Variants in NRG1 observed in about 807,000 individuals in gnomAD.
The protein encoded by NRG1 is pro-neuregulin-1, membrane-bound isoform.
Under a neutral mutation model 63.8 loss-of-function variants are expected in NRG1, and 18 were observed. The ratio of observed to expected loss-of-function variants is 0.28; its 90% CI spans 0.19 to 0.42. The LOEUF (loss-of-function observed/expected upper bound fraction) is 0.42, where lower values mean the gene tolerates loss of function less well. NRG1 is among the 10% of genes least tolerant of loss of function. The probability of loss-of-function intolerance (pLI) is 1.00; values close to 1 mark genes in which losing one functional copy is unlikely to be tolerated. For synonymous variants in NRG1, 302 were observed against 301.3 expected (o/e 1.00, Z -0.02); for missense variants, 762 against 814.7 (o/e 0.94, Z 0.79).
chr8:31,805,294 G>A (rs1037368631), intron 1 of NRG1, among the ~76,000 whole-genome samples: 3 of 151,598 alleles, frequency 2.0e-5, no homozygotes, highest in Middle Eastern at 3.2e-3. Flanking sequence ...AATATTAATA[G>A]GATATTATAT....
At chr8:32,111,207 C>T (rs1014783100) in intron 1 of NRG1, among the ~76,000 whole-genome samples, 1 of 152,118 alleles carries the variant, frequency 6.6e-6, no homozygotes, top group Non-Finnish European at 1.5e-5. Context: ...ACCTCTGCCT[C>T]CCGGGTTCAA....
At chr8:32,670,689 G>A (rs887968105) in intron 5 of NRG1, among the ~76,000 whole-genome samples, 2 of 152,178 alleles carry the variant, frequency 1.3e-5, no homozygotes, top group Non-Finnish European at 2.9e-5. Flanking sequence ...TTTGACATAT[G>A]TTACCCCCTA....
At chr8:32,735,544 C>A (rs1589494324) in intron 6 of NRG1, among the ~76,000 whole-genome samples, 1 of 152,218 alleles carries the variant, frequency 6.6e-6, no homozygotes, top group Admixed American at 6.5e-5. Flanking sequence ...CCCCTCAGAA[C>A]CCCTAAGCTG....
chr8:32,644,059 G>C (rs1227503748), intron 5 of NRG1, among the ~76,000 whole-genome samples: 1 of 152,042 alleles, frequency 6.6e-6, no homozygotes. Context: ...TACCTAAGCT[G>C]CCTGGGCCAA....
chr8:32,502,439 T>A (rs1827969156), intron 1 of NRG1, among the ~76,000 whole-genome samples: 1 of 47,580 alleles, frequency 2.1e-5, no homozygotes. Context: ...GGACACACAT[T>A]TAACCCATAT....
At chr8:31,972,343 C>G (rs1807430760) in intron 1 of NRG1, among the ~76,000 whole-genome samples, 1 of 152,080 alleles carries the variant, frequency 6.6e-6, no homozygotes, top group Non-Finnish European at 1.5e-5. Flanking sequence ...CATCAAACAG[C>G]CTAGCTTTAC....
chr8:32,593,294 G>T (rs960292789), intron 1 of NRG1, among the ~76,000 whole-genome samples: 5 of 152,126 alleles, frequency 3.3e-5, no homozygotes, highest in African/African-American at 1.2e-4. Context: ...AAATTAATGA[G>T]GCAATGTATT....
chr8:31,918,071 G>A (rs1408204191), intron 1 of NRG1, among the ~76,000 whole-genome samples: 1 of 152,170 alleles, frequency 6.6e-6, no homozygotes, highest in Non-Finnish European at 1.5e-5. Context: ...AGACTTTGCT[G>A]AAGTTGCTTA....
intron 1 of NRG1, among the ~76,000 whole-genome samples, chr8:31,932,965 T>A (rs1341410803): frequency 6.6e-6 from 1 of 152,218 alleles, no homozygotes; most frequent in Non-Finnish European, 1.5e-5. Context: ...TATAAGCTCA[T>A]ATTTTGAACT....
intron 1 of NRG1, among the ~76,000 whole-genome samples, chr8:32,303,042 C>T (rs188509336): frequency 0.015 from 2,213 of 151,726 alleles, 30 homozygotes; most frequent in Non-Finnish European, 0.024. Context: ...ATTAGCCGGG[C>T]GTGGTGGCTG....
At chr8:32,263,512 T>C (rs767115244) in intron 1 of NRG1, among the ~76,000 whole-genome samples, 2 of 152,158 alleles carry the variant, frequency 1.3e-5, no homozygotes, top group African/African-American at 2.4e-5. Flanking sequence ...CTTTTTGTTA[T>C]CTCTTTTCCT....
intron 1 of NRG1, among the ~76,000 whole-genome samples, chr8:32,454,930 A>T (rs559990662): frequency 1.3e-5 from 2 of 152,222 alleles, no homozygotes; most frequent in African/African-American, 4.8e-5. Flanking sequence ...TTCTATGTTT[A>T]GATAAGTTTA....
chr8:32,445,769 C>G (rs966161413), intron 1 of NRG1, among the ~76,000 whole-genome samples: 3 of 151,918 alleles, frequency 2.0e-5, no homozygotes, highest in Admixed American at 6.6e-5. Context: ...TATTCACAAA[C>G]CACCCCAGGA....
chr8:31,651,137 AAG>A lies in NRG1; in HGVS notation c.37+11711_37+11712del, dbSNP rs1804799639. Among the ~76,000 whole-genome samples, 6 of 152,336 alleles carry A rather than the reference AAG, an allele frequency of 3.9e-5. No homozygotes were observed. The South Asian group carries it at 1.0e-3, about 26-fold the overall frequency. ...CTTTTAGACACTCTAAGAGAGGAGA[AAG>A]AGAGCTGAATGAGAGGGAACCTTCA... On this transcript the variant is annotated intron_variant, in intron 1 of 10. Transcript: ENST00000519301.
At chr8:31,725,821 A>C (rs1813375353) in intron 1 of NRG1, among the ~76,000 whole-genome samples, 1 of 152,200 alleles carries the variant, frequency 6.6e-6, no homozygotes, top group African/African-American at 2.4e-5. Flanking sequence ...TATTACAGTT[A>C]GGGTGAAGAG....
chr8:31,835,903 CT>C (rs755233071), intron 1 of NRG1, among the ~76,000 whole-genome samples: 11 of 152,128 alleles, frequency 7.2e-5, no homozygotes, highest in Non-Finnish European at 1.0e-4. Flanking sequence ...AACTAGTTAC[CT>C]GTGTTAGTTG....
At chr8:32,329,025 G>A (rs1027701989) in intron 1 of NRG1, among the ~76,000 whole-genome samples, 11 of 152,138 alleles carry the variant, frequency 7.2e-5, no homozygotes, top group Middle Eastern at 3.2e-3. Context: ...CTGGAGTGCA[G>A]GGGCACGACC....
chr8:32,702,824 G>C (rs1044456270), intron 5 of NRG1, among the ~76,000 whole-genome samples: 9 of 152,150 alleles, frequency 5.9e-5, no homozygotes, highest in African/African-American at 2.2e-4. Flanking sequence ...CTTAAAACTT[G>C]AGGAAGGGAG....
rs540970653 is a variant in NRG1 at position 32,104,652 on chromosome 8, C to T, written c.37+465221C>T. ...AAAATAATTTCTTTTTATCCTCATT[C>T]TACAAACTTTTTTGAATTTTTAAAT... On this transcript the variant is annotated intron_variant, in intron 1 of 10. Transcript: ENST00000519301. Among the ~76,000 whole-genome samples, 5 of 152,058 alleles carry T rather than the reference C, an allele frequency of 3.3e-5. No homozygotes were observed. In the East Asian group the frequency reaches 9.6e-4, roughly 29 times the overall value.
Sources: gnomAD v4.1 joint callset for allele counts (sites outside exome capture counted in the v4.1 genomes callset) on GRCh38, gnomAD v4.1.1 for gene constraint, MANE v1.5 for transcripts, NCBI Gene and HGNC (gene_info 2026-07-23, HGNC 2026-07-21) for gene names.